The following SLIT2 variants were observed in gnomAD, a reference collection of about 807,000 sequenced individuals.
The protein encoded by SLIT2 is slit guidance ligand 2.
Under a neutral mutation model 185.7 loss-of-function variants are expected in SLIT2, and 41 were observed. The observed-to-expected ratio is 0.22, with a 90% CI of 0.17 to 0.29. SLIT2 has a LOEUF of 0.29. Among genes scored for constraint, SLIT2 ranks in the 10% least tolerant of loss-of-function variants. The pLI is 1.00. For missense variants in SLIT2, 1,571 were observed against 1,909.0 expected, an observed-to-expected ratio of 0.82 and a Z score of 3.30; for synonymous variants, 693 against 680.2, an observed-to-expected ratio of 1.02 and a Z score of -0.29.
chr4:20,508,354 A>T (rs1282862307), intron 9 of SLIT2, among the ~76,000 whole-genome samples: 11 of 152,084 alleles, frequency 7.2e-5, no homozygotes, highest in African/African-American at 2.4e-4. Flanking sequence ...GTCTTAAAAT[A>T]ACTAAGCATT....
rs557585743 is a variant in SLIT2, at chr4:20,270,927, G to A, written c.395+2046G>A. ...TGAATTGTTGAGTGCTTTTTCTCTC[G>A]AGAGAATAAGTTATAAGCTGCATGT... On this transcript the variant is annotated intron_variant, in intron 4 of 36. Coordinates refer to ENST00000504154, the MANE Select transcript of SLIT2 (RefSeq NM_004787.4). Among the ~76,000 whole-genome samples the A allele has an allele frequency of 3.9e-5, 6 of 151,944 alleles. No homozygotes were observed. The South Asian group carries it at 6.2e-4, about 16-fold the overall frequency.
chr4:20,500,874 T>C (rs1349286119), intron 9 of SLIT2, among the ~76,000 whole-genome samples: 2 of 152,208 alleles, frequency 1.3e-5, no homozygotes, highest in African/African-American at 2.4e-5. Flanking sequence ...GTATCTCCTA[T>C]GTACTATGAA....
chr4:20,585,642 G>A (rs998112924), intron 29 of SLIT2, among the ~76,000 whole-genome samples: 9 of 152,106 alleles, frequency 5.9e-5, no homozygotes, highest in African/African-American at 9.7e-5. Flanking sequence ...CAGTTTAAAC[G>A]TATTAAGACC....
At chr4:20,277,776 TAC>T (rs999542677) in intron 4 of SLIT2, among the ~76,000 whole-genome samples, 2 of 148,962 alleles carry the variant, frequency 1.3e-5, no homozygotes, top group Admixed American at 1.3e-4. Context: ...TATATATATA[TAC>T]ACACACAAAC....
At chr4:20,593,918 T>C (rs1370754458) in intron 30 of SLIT2, among the ~76,000 whole-genome samples, 1 of 151,510 alleles carries the variant, frequency 6.6e-6, no homozygotes, top group Non-Finnish European at 1.5e-5. Flanking sequence ...CACACATATA[T>C]ATACACATAT....
chr4:20,416,558 C>G (rs771610719), intron 4 of SLIT2, among the ~76,000 whole-genome samples: 2 of 151,898 alleles, frequency 1.3e-5, no homozygotes, highest in Non-Finnish European at 2.9e-5. Context: ...AAAAATGCTC[C>G]ATTTCAGGTA....
At chr4:20,310,891 A>C (rs1359408547) in intron 4 of SLIT2, among the ~76,000 whole-genome samples, 1 of 152,102 alleles carries the variant, frequency 6.6e-6, no homozygotes, top group East Asian at 1.9e-4. Context: ...TTAGTTAATT[A>C]ATTTATTTTC....
chr4:20,529,131 G>A, intron 16 of SLIT2, 32 bp downstream of exon 16: 2 of 1,527,504 alleles, frequency 1.3e-6, no homozygotes, highest in Non-Finnish European at 1.8e-6. Flanking sequence ...ATTCTGGTTG[G>A]GATGGAGGGA....
At chr4:20,430,966 A>C (rs1364488966) in intron 4 of SLIT2, among the ~76,000 whole-genome samples, 1 of 152,140 alleles carries the variant, frequency 6.6e-6, no homozygotes, top group East Asian at 1.9e-4. Context: ...AAGAAACCCA[A>C]CTTTCTGTGT....
At chr4:20,261,767 A>G (rs781655924) in intron 3 of SLIT2, among the ~76,000 whole-genome samples, 2 of 151,916 alleles carry the variant, frequency 1.3e-5, no homozygotes, top group Non-Finnish European at 2.9e-5. Context: ...AATCAGTAGC[A>G]TACTGTGAAA....
At chr4:20,477,674 T>G (rs1207642224) in intron 5 of SLIT2, among the ~76,000 whole-genome samples, 1 of 152,230 alleles carries the variant, frequency 6.6e-6, no homozygotes, top group Non-Finnish European at 1.5e-5. Flanking sequence ...AAGTATGTGC[T>G]AAGTTAGGTC....
rs34477780 is a variant in SLIT2, at chr4:20,280,833, G to GTTTTTTTTT, written c.395+11960_395+11968dup. ...GTTTGAAGGCTTATATTAAAAAAATGTTTTTTTTTTTTTTTTGAGACGGAG... is the reference window on the plus strand; with the variant it reads ...GTTTGAAGGCTTATATTAAAAAAATGTTTTTTTTTTTTTTTTTTTTTTTTTGAGACGGAG... On this transcript the variant is annotated intron_variant, in intron 4 of 36. Coordinates refer to ENST00000504154, the MANE Select transcript of SLIT2 (RefSeq NM_004787.4). Among the ~76,000 whole-genome samples, 979 of 130,320 alleles carry GTTTTTTTTT rather than the reference G, an allele frequency of 7.5e-3. 15 individuals are homozygous for GTTTTTTTTT. The highest frequency in any genetic ancestry group is 0.058 in the East Asian group (253 of 4,384). 85.5% of individuals were successfully genotyped at this position (130,320 alleles called of 152,430 possible).
intron 34 of SLIT2, among the ~76,000 whole-genome samples, chr4:20,614,029 G>A (rs764962657): frequency 3.9e-4 from 60 of 152,090 alleles, no homozygotes; most frequent in South Asian, 1.2e-3. Flanking sequence ...CTGCTACCAC[G>A]CCCAGCTAAT....
At chr4:20,525,276 A>G (rs1721187606) in intron 15 of SLIT2, 104 bp downstream of exon 15, 1 of 862,844 alleles carries the variant, frequency 1.2e-6, no homozygotes. Context: ...TACAGTGGAT[A>G]CTCTATAGAT....
chr4:20,320,813 C>T (rs1490751946), intron 4 of SLIT2, among the ~76,000 whole-genome samples: 2 of 152,176 alleles, frequency 1.3e-5, no homozygotes, highest in Non-Finnish European at 2.9e-5. Flanking sequence ...TCATCTCCAA[C>T]TCTGTGCTAG....
At chr4:20,301,971 G>A (rs1717090578) in intron 4 of SLIT2, among the ~76,000 whole-genome samples, 1 of 151,988 alleles carries the variant, frequency 6.6e-6, no homozygotes, top group Admixed American at 6.6e-5. Context: ...TAGTTTATAA[G>A]GACTGGGTTT....
At chr4:20,609,863 T>G (rs1729077393) in intron 33 of SLIT2, 150 bp from the exon 34 acceptor site, 1 of 617,068 alleles carries the variant, frequency 1.6e-6, no homozygotes. Context: ...TGCCTATTTT[T>G]GAAAAAAAAT....
intron 4 of SLIT2, among the ~76,000 whole-genome samples, chr4:20,352,569 G>T (rs940732336): frequency 5.1e-4 from 78 of 152,040 alleles, no homozygotes; most frequent in African/African-American, 1.8e-3. Flanking sequence ...AATTTATTAG[G>T]GCTCAAGGCA....
At chr4:20,527,674 C>A (rs1721418274) in intron 15 of SLIT2, among the ~76,000 whole-genome samples, 1 of 152,090 alleles carries the variant, frequency 6.6e-6, no homozygotes, top group Non-Finnish European at 1.5e-5. Flanking sequence ...CACCGTGCTT[C>A]AAAATATTAT....
Sources: allele counts gnomAD v4.1 joint callset (sites outside exome capture counted in the v4.1 genomes callset), GRCh38; gene constraint gnomAD v4.1.1; transcripts MANE v1.5; gene names NCBI Gene and HGNC (gene_info 2026-07-23, HGNC 2026-07-21).